Variants in TATDN3 observed in about 807,000 individuals in gnomAD.
TATDN3 encodes TatD DNase domain containing 3, also known as deoxyribonuclease TATDN3.
In TATDN3, 29 loss-of-function variants were observed where a neutral mutation model predicts 40.1. The observed-to-expected ratio is 0.72, with a 90% confidence interval of 0.54 to 0.99. The LOEUF (loss-of-function observed/expected upper bound fraction) is 0.99. Among genes scored for constraint, TATDN3 ranks in the 50% least tolerant of loss-of-function variants. TATDN3 has a pLI of 0.00. For synonymous variants in TATDN3, 105 were observed against 117.0 expected (o/e 0.90, Z 0.66); for missense variants, 309 against 321.9 (o/e 0.96, Z 0.31).
At chr1:212,806,843 T>C (rs1175078349) in intron 7 of TATDN3, among the ~76,000 whole-genome samples, 4 of 96,074 alleles carry the variant, frequency 4.2e-5, no homozygotes, top group Non-Finnish European at 8.1e-5. Context: ...TATACATATA[T>C]ACACATATAT....
At chr1:212,805,552 G>T (rs929024036) in intron 7 of TATDN3, among the ~76,000 whole-genome samples, 3 of 152,112 alleles carry the variant, frequency 2.0e-5, no homozygotes, top group African/African-American at 7.2e-5. Flanking sequence ...GACTGTGCCT[G>T]GCCAGCAGCT....
intron 9 of TATDN3, 134 bp downstream of exon 9, chr1:212,812,462 A>G: frequency 1.8e-6 from 1 of 562,554 alleles, no homozygotes; most frequent in South Asian, 2.4e-5. Context: ...GGCTTATATT[A>G]ACTTTATTTC....
chr1:212,804,111 T>G (rs546066982), intron 5 of TATDN3, among the ~76,000 whole-genome samples: 62 of 152,204 alleles, frequency 4.1e-4, no homozygotes, highest in African/African-American at 1.5e-3. Context: ...AATAATAATA[T>G]TTGGGATATA....
In TATDN3 at chr1:212,811,471, C is replaced by T. The variant is rs914423942; in HGVS notation, c.601-777C>T. ...TAGAGATGGGGTTTTATCATGTTGC[C>T]CAGGCTGGTCTCGAACTCCTGGTCT... On this transcript the variant is annotated intron_variant, in intron 8 of 9. Coordinates refer to ENST00000366974, the MANE Select transcript of TATDN3 (RefSeq NM_001042552.3). Among the ~76,000 whole-genome samples, 4 of 151,406 alleles carry T rather than the reference C, an allele frequency of 2.6e-5. No homozygotes were observed. In the South Asian group the frequency reaches 6.3e-4, roughly 24 times the overall value.
At chr1:212,794,788 C>T (rs1341818577) in intron 1 of TATDN3, 2 of 525,688 alleles carry the variant, frequency 3.8e-6, no homozygotes, top group African/African-American at 3.8e-5. Flanking sequence ...GAAAGCATTT[C>T]AAGAAGGAAG....
chr1:212,797,381 G>A, intron 4 of TATDN3, 185 bp downstream of exon 4: 2 of 567,130 alleles, frequency 3.5e-6, no homozygotes, highest in Non-Finnish European at 3.1e-6. Context: ...AAACAGCCTA[G>A]AGGTTCAGAA....
intron 5 of TATDN3, 121 bp from the exon 6 acceptor site, chr1:212,804,199 T>A: frequency 1.6e-6 from 1 of 622,914 alleles, no homozygotes; most frequent in Admixed American, 3.2e-5. Context: ...GAATTAATAT[T>A]TTTATGTGGC....
intron 1 of TATDN3, 101 bp downstream of exon 1, chr1:212,792,088 C>T: frequency 8.6e-7 from 1 of 1,157,002 alleles, no homozygotes; most frequent in Non-Finnish European, 1.3e-6. Context: ...CCCCATATCC[C>T]CCGCCCAGAC....
intron 9 of TATDN3, among the ~76,000 whole-genome samples, chr1:212,812,597 G>A (rs1053362012): frequency 1.3e-5 from 2 of 152,234 alleles, no homozygotes; most frequent in Admixed American, 6.5e-5. Context: ...CAGTCAGAAA[G>A]ACAAATTCAA....
intron 8 of TATDN3, among the ~76,000 whole-genome samples, chr1:212,811,772 G>C (rs929151995): frequency 2.0e-5 from 3 of 151,034 alleles, no homozygotes; most frequent in African/African-American, 7.3e-5. Flanking sequence ...GGGTGATCTC[G>C]GCTCACTGCA....
At chr1:212,806,941 T>A (rs1373166209) in intron 7 of TATDN3, among the ~76,000 whole-genome samples, 1 of 146,154 alleles carries the variant, frequency 6.8e-6, no homozygotes. Flanking sequence ...TATTTATTTA[T>A]TTTATTTATT....
In TATDN3 at chr1:212,796,608, G is replaced by A. The variant is rs1194420714; in HGVS notation, c.173+18G>A. The A allele has an allele frequency of 9.2e-6, 14 of 1,518,894 alleles. 1 individual carries two copies. In the East Asian group the frequency reaches 3.0e-4, roughly 33 times the overall value. 94.1% of individuals were successfully genotyped at this position (1,518,894 alleles called of 1,614,324 possible). A position where few individuals can be genotyped will look rare whatever the true frequency, so the allele number is the denominator to read the frequency against. On this transcript the variant is annotated intron_variant, in intron 3 of 9. Transcript: ENST00000366974. The stretch of plus-strand genomic sequence containing the variant: ...TCAGAAAGGTGCTACTTTTAATTAA[G>A]ATTTTAAAGGGTTGCTAATAAGAAC...
intron 8 of TATDN3, among the ~76,000 whole-genome samples, chr1:212,808,155 A>T (rs1662652519): frequency 6.6e-6 from 1 of 152,050 alleles, no homozygotes; most frequent in Non-Finnish European, 1.5e-5. Context: ...CCTACTAAAA[A>T]TACAAAAATT....
In TATDN3 at chr1:212,812,266, C is replaced by A; in HGVS notation, c.619C>A (p.Gln207Lys). The A allele has an allele frequency of 6.3e-7, 1 of 1,578,760 alleles. No homozygotes were observed. Among genetic ancestry groups the A allele is most frequent in the South Asian group, 1.2e-5 (1 of 84,126 alleles). Residue 207 changes from glutamine to lysine, a missense_variant, in exon 9 of 10, where the codon CAA (glutamine) becomes AAA (lysine). Gln to Lys is a moderately conservative substitution (Grantham distance 53, BLOSUM62 1). Coordinates refer to ENST00000366974, the MANE Select transcript of TATDN3 (RefSeq NM_001042552.3). ...RSGQKQKLVKQLPLTSICLET... is the reference protein window; with the variant it reads ...RSGQKQKLVKKLPLTSICLET... ...CTCTAAGAAGCAGAAACTTGTGAAA[C>A]AATTGCCTTTAACTTCTATATGCTT...
chr1:212,811,040 T>A (rs1334370358), intron 8 of TATDN3, among the ~76,000 whole-genome samples: 1 of 152,124 alleles, frequency 6.6e-6, no homozygotes, highest in Non-Finnish European at 1.5e-5. Flanking sequence ...TGGGGTGCAG[T>A]GATGTGATCT....
At chr1:212,814,434 A>ATGGTAGAG (rs1663077349) in intron 9 of TATDN3, among the ~76,000 whole-genome samples, 1 of 152,208 alleles carries the variant, frequency 6.6e-6, no homozygotes, top group Admixed American at 6.5e-5. Flanking sequence ...ACCATTGTTT[A>ATGGTAGAG]CCATTGTTTT....
At chr1:212,795,163 T>C in intron 2 of TATDN3, 36 bp downstream of exon 2, 6 of 1,560,466 alleles carry the variant, frequency 3.8e-6, no homozygotes, top group Non-Finnish European at 4.4e-6. Flanking sequence ...TTTGGTTTTT[T>C]ATTTTAACTA....
chr1:212,804,492 C>T (rs1662342796), intron 6 of TATDN3, 63 bp downstream of exon 6: 3 of 1,539,516 alleles, frequency 1.9e-6, no homozygotes, highest in South Asian at 2.3e-5. Context: ...TCAGAGTTCT[C>T]CTGAAATGGA....
At chr1:212,796,842 A>G (rs1469722809) in intron 3 of TATDN3, 11 of 472,764 alleles carry the variant, frequency 2.3e-5, no homozygotes, top group South Asian at 1.6e-4. Context: ...GTTTCAAGCA[A>G]TTCTCTGCCT....
Sources: gnomAD v4.1 joint callset for allele counts (sites outside exome capture counted in the v4.1 genomes callset) on GRCh38, gnomAD v4.1.1 for gene constraint, MANE v1.5 for transcripts, NCBI Gene and HGNC (gene_info 2026-07-23, HGNC 2026-07-21) for gene names.